The following LYPD6 variants were observed in gnomAD, a reference collection of about 807,000 sequenced individuals.
The protein encoded by LYPD6 is ly6/PLAUR domain-containing protein 6.
In LYPD6, 15 loss-of-function variants were observed where a neutral mutation model predicts 22.7. The observed-to-expected ratio is 0.66, with a 90% confidence interval of 0.44 to 1.02. LYPD6 has a LOEUF of 1.02. Ranked by LOEUF, LYPD6 falls within the 50% of genes least tolerant of loss-of-function variation. The pLI is 0.00. For synonymous variants in LYPD6, 72 were observed against 77.5 expected, an observed-to-expected ratio of 0.93 and a Z score of 0.37; for missense variants, 189 against 208.4, an observed-to-expected ratio of 0.91 and a Z score of 0.57.
rs554553338 is a variant in LYPD6, at chr2:149,406,494, C to T, written c.-71-31144C>T. On this transcript the variant is annotated intron_variant, in intron 1 of 4. Coordinates refer to ENST00000334166, the MANE Select transcript of LYPD6 (RefSeq NM_194317.5). The stretch of plus-strand genomic sequence containing the variant: ...TCCCTTTACCATTATGTAATGGCCT[C>T]CTTTGTCTCTTTTGATCTTTGTTGG... Among the ~76,000 whole-genome samples the T allele has an allele frequency of 7.3e-3, 1,111 of 151,514 alleles. 10 individuals carry two copies. Among genetic ancestry groups the T allele is most frequent in the African/African-American group, 0.025 (1,032 of 41,224 alleles).
rs982886444 is a variant in LYPD6 at position 149,470,985 on chromosome 2, G to A, written c.*135G>A. 9.3e-6 allele frequency: 7 copies of A among 749,344 alleles called. No homozygotes were observed. The highest frequency in any genetic ancestry group is 1.5e-5 in the Non-Finnish European group (7 of 464,512). The allele number at this position is 749,344 out of a possible 1,614,324, so 46.4% of individuals were successfully genotyped here. A position where few individuals can be genotyped will look rare whatever the true frequency, so the allele number is the denominator to read the frequency against. ...TTGGAGGTCATCACAGCCAAGCATT[G>A]CCACTTACCATGAGGAATAAATGTT... On this transcript the variant is annotated 3_prime_UTR_variant, in exon 5 of 5. Coordinates refer to ENST00000334166, the MANE Select transcript of LYPD6 (RefSeq NM_194317.5).
At chr2:149,479,980 T>C in the LYPD6 span, among the ~76,000 whole-genome samples, 1 of 151,734 alleles carries the variant, frequency 6.6e-6, no homozygotes, top group African/African-American at 2.4e-5. Flanking sequence ...CCCTTTGACT[T>C]GAAAGGTACC....
intron 1 of LYPD6, among the ~76,000 whole-genome samples, chr2:149,405,489 C>G (rs1481862289): frequency 6.6e-6 from 1 of 152,166 alleles, no homozygotes; most frequent in African/African-American, 2.4e-5. Context: ...AGGAATTTAT[C>G]CATTTCTTCT....
intron 1 of LYPD6, among the ~76,000 whole-genome samples, chr2:149,371,992 G>A (rs1681820667): frequency 6.6e-6 from 1 of 152,074 alleles, no homozygotes; most frequent in African/African-American, 2.4e-5. Context: ...AGGGGAGATG[G>A]CTCTTTGACC....
At chr2:149,330,394 C>G (rs1329512215), upstream of LYPD6, 2 of 151,128 alleles carry the variant, frequency 1.3e-5, no homozygotes, top group Admixed American at 1.3e-4. Flanking sequence ...GGCCGATTCT[C>G]CCGGAGTTGG....
intron 1 of LYPD6, among the ~76,000 whole-genome samples, chr2:149,350,025 A>T (rs1681329902): frequency 6.6e-6 from 1 of 152,206 alleles, no homozygotes; most frequent in Non-Finnish European, 1.5e-5. Flanking sequence ...TCTAAGGTGC[A>T]TGAGTATTTT....
At chr2:149,479,648 G>A in the LYPD6 span, among the ~76,000 whole-genome samples, 35 of 152,080 alleles carry the variant, frequency 2.3e-4, no homozygotes, top group South Asian at 2.7e-3. Flanking sequence ...CTAATCTACC[G>A]TCAAATCCTG....
chr2:149,448,939 T>G, intron 2 of LYPD6, 110 bp from the exon 3 acceptor site: 1 of 818,628 alleles, frequency 1.2e-6, no homozygotes, highest in Non-Finnish European at 1.9e-6. Flanking sequence ...TTTAAGAAAC[T>G]GCTAAGTTGT....
intron 1 of LYPD6, among the ~76,000 whole-genome samples, chr2:149,435,007 T>A (rs12104473): frequency 0.29 from 44,390 of 152,106 alleles, 8,413 homozygotes; most frequent in African/African-American, 0.55. Context: ...GTATCTTGGA[T>A]TGTGACTATA....
Position 149,400,442 on chromosome 2 carries a change from G to A in LYPD6, c.-71-37196G>A, listed in dbSNP as rs991427444. 5.9e-5 allele frequency among the ~76,000 whole-genome samples: 9 copies of A among 152,244 alleles called. No individual in the cohort carries two copies. In the South Asian group the frequency reaches 8.3e-4, roughly 14 times the overall value. On this transcript the variant is annotated intron_variant, in intron 1 of 4. Coordinates refer to ENST00000334166, the MANE Select transcript of LYPD6 (RefSeq NM_194317.5). ...CAGGGTGTGTGTGTGAGTGAATGCC[G>A]CATTGGTGTGTTTACAGTTCAGTGT...
rs117963896 is a variant in LYPD6 at position 149,368,754 on chromosome 2, G to T, written c.-72+38032G>T. Reference sequence around the variant, plus strand: ...GAAGGGAGAGGGGGTCTAAAATACAGTGAAGTCAGAGGAAGAGGAGATAAT... The same window carrying T: ...GAAGGGAGAGGGGGTCTAAAATACATTGAAGTCAGAGGAAGAGGAGATAAT... On this transcript the variant is annotated intron_variant, in intron 1 of 4. Transcript: ENST00000334166. Among the ~76,000 whole-genome samples, 339 of 152,136 alleles carry T rather than the reference G, an allele frequency of 2.2e-3. 10 individuals carry two copies. In the East Asian group the frequency reaches 0.053, roughly 24 times the overall value.
At position 149,473,203 on chromosome 2, in the gene LYPD6, G is replaced by A. The variant is rs1681382112; in HGVS notation, c.*2353G>A. On this transcript the variant is annotated 3_prime_UTR_variant, in exon 5 of 5. Coordinates refer to ENST00000334166, the MANE Select transcript of LYPD6 (RefSeq NM_194317.5). Reference sequence around the variant, plus strand: ...AAGTGACCACACCAAAGCCTCCCTGGCTGGTGTAGAGGGATCAGGTCCACA... The same window carrying A: ...AAGTGACCACACCAAAGCCTCCCTGACTGGTGTAGAGGGATCAGGTCCACA... 6.6e-6 allele frequency: 1 copy of A among 152,646 alleles called. No individual in the cohort carries two copies. Among genetic ancestry groups the A allele is most frequent in the African/African-American group, 2.4e-5 (1 of 41,444 alleles). The allele number at this position is 152,646 out of a possible 1,614,324, so 9.5% of individuals were successfully genotyped here.
chr2:149,337,645 A>C (rs989545458), intron 1 of LYPD6, among the ~76,000 whole-genome samples: 1 of 152,016 alleles, frequency 6.6e-6, no homozygotes, highest in African/African-American at 2.4e-5. Flanking sequence ...AAAAAAACTT[A>C]TATTTTAGGT....
At chr2:149,402,770 T>C (rs1209697742) in intron 1 of LYPD6, among the ~76,000 whole-genome samples, 1 of 152,144 alleles carries the variant, frequency 6.6e-6, no homozygotes, top group Non-Finnish European at 1.5e-5. Flanking sequence ...AGGGTACATG[T>C]GCACAACGTG....
chr2:149,392,906 A>G (rs1031405523), intron 1 of LYPD6, among the ~76,000 whole-genome samples: 15 of 152,188 alleles, frequency 9.9e-5, no homozygotes, highest in African/African-American at 3.4e-4. Flanking sequence ...GAGTGCCTAT[A>G]GTTCCAGCTA....
At chr2:149,370,900 CGTAA>C (rs1431547290) in intron 1 of LYPD6, among the ~76,000 whole-genome samples, 13 of 152,118 alleles carry the variant, frequency 8.5e-5, no homozygotes, top group Admixed American at 8.5e-4. Context: ...TTCGAAGTTA[CGTAA>C]GTGAGCTATG....
At chr2:149,435,951 T>C (rs1683421511) in intron 1 of LYPD6, among the ~76,000 whole-genome samples, 1 of 152,216 alleles carries the variant, frequency 6.6e-6, no homozygotes, top group Non-Finnish European at 1.5e-5. Context: ...TTCAGCTATT[T>C]AAAAAAATAT....
chr2:149,435,009 G>A (rs1177453380), intron 1 of LYPD6, among the ~76,000 whole-genome samples: 1 of 152,196 alleles, frequency 6.6e-6, no homozygotes, highest in African/African-American at 2.4e-5. Context: ...ATCTTGGATT[G>A]TGACTATATT....
chr2:149,345,302 T>G (rs1241351785), intron 1 of LYPD6, among the ~76,000 whole-genome samples: 1 of 125,840 alleles, frequency 7.9e-6, no homozygotes, highest in Non-Finnish European at 1.6e-5. Context: ...CACCCTTAAT[T>G]TAAATTTTTT....
Sources: allele counts gnomAD v4.1 joint callset (sites outside exome capture counted in the v4.1 genomes callset), GRCh38; gene constraint gnomAD v4.1.1; transcripts MANE v1.5; gene names NCBI Gene and HGNC (gene_info 2026-07-23, HGNC 2026-07-21).